Variants in FBXO47 observed in about 807,000 individuals in gnomAD.
FBXO47 encodes the protein F-box only protein 47.
FBXO47 carries 34 observed loss-of-function variants against 53.9 expected under a neutral mutation model. The observed-to-expected ratio is 0.63, with a 90% CI of 0.48 to 0.84. FBXO47 has a LOEUF of 0.84. Ranked by LOEUF, FBXO47 falls within the 40% of genes least tolerant of loss-of-function variation. FBXO47 has a pLI of 0.00. For missense variants in FBXO47, 485 were observed against 541.3 expected (o/e 0.90, Z 1.03); for synonymous variants, 165 against 181.6 (o/e 0.91, Z 0.73).
chr17:38,962,852 ATATTT>A lies in FBXO47; in HGVS notation c.169_173del (p.Lys57PhefsTer22), dbSNP rs1905878958. The A allele has an allele frequency of 3.7e-6, 6 of 1,609,532 alleles. No homozygotes were observed. The highest frequency in any genetic ancestry group is 3.4e-6 in the Non-Finnish European group (4 of 1,177,514). On this transcript the variant is annotated frameshift_variant, in exon 2 of 11. Transcript: ENST00000378079. LOFTEE classifies it high-confidence loss of function. ...TAAGTTCCCAAACCTCACCTGACAA[ATATTT>A]TAAAATTATCTGGAATATTTCCAAT... is the stretch of plus-strand genomic sequence containing the variant.
chr17:38,946,471 T>TATATAACTATATAAATATATATGA (rs1567716848), intron 6 of FBXO47, among the ~76,000 whole-genome samples: 1 of 89,934 alleles, frequency 1.1e-5, no homozygotes, highest in Non-Finnish European at 1.8e-5. Context: ...TATATGAATA[T>TATATAACTATATAAATATATATGA]ATATAACTAT....
In FBXO47 at chr17:38,944,181, C is replaced by CA. The variant is rs1280835348; in HGVS notation, c.794-446dup. Among the ~76,000 whole-genome samples, 319 of 138,324 alleles carry CA rather than the reference C, an allele frequency of 2.3e-3. 1 individual carries two copies. Among genetic ancestry groups the CA allele is most frequent in the African/African-American group, 8.3e-3 (306 of 36,998 alleles). The allele number at this position is 138,324 out of a possible 152,430, so 90.7% of individuals were successfully genotyped here. On this transcript the variant is annotated intron_variant, in intron 7 of 10. Coordinates refer to ENST00000378079, the MANE Select transcript of FBXO47 (RefSeq NM_001008777.3). ...TGGGCAACACAGCGAGACTCTGTCT[C>CA]AAAAAAAACATGTGTGTGTGTGTGT...
Position 38,945,023 on chromosome 17 carries a change from A to G in FBXO47, c.730T>C (p.Trp244Arg), listed in dbSNP as rs757871034. The change falls in exon 7 of 11, where the codon TGG becomes CGG. Residue 244 changes from tryptophan (W) to arginine (R), a missense_variant. Coordinates refer to ENST00000378079, the MANE Select transcript of FBXO47 (RefSeq NM_001008777.3). ...AFWLTRILKP[W>R]PMVNQARLLY... ...AATCTTGCCTGATTCACCATTGGCCATGGTTTTAATATTCGCGTCAACCAA... is the reference window on the plus strand; with the variant it reads ...AATCTTGCCTGATTCACCATTGGCCGTGGTTTTAATATTCGCGTCAACCAA... 1.9e-6 allele frequency: 3 copies of G among 1,614,034 alleles called. No homozygotes were observed. The highest frequency in any genetic ancestry group is 2.5e-6 in the Non-Finnish European group (3 of 1,180,016).
chr17:38,944,612 GA>G (rs1230958375), intron 7 of FBXO47, among the ~76,000 whole-genome samples: 1 of 149,952 alleles, frequency 6.7e-6, no homozygotes, highest in Admixed American at 6.7e-5. Context: ...TGAGGCAGGA[GA>G]ATGGTGTGAA....
intron 6 of FBXO47, among the ~76,000 whole-genome samples, chr17:38,945,944 A>AT (rs1325780000): frequency 7.0e-4 from 94 of 134,550 alleles, no homozygotes; most frequent in Non-Finnish European, 1.1e-3. Flanking sequence ...TCAAAAAAAA[A>AT]AAAAATATAT....
At chr17:38,947,107 C>CATAT (rs376417023) in intron 6 of FBXO47, among the ~76,000 whole-genome samples, 1,960 of 90,310 alleles carry the variant, frequency 0.022, 28 homozygotes, top group Non-Finnish European at 0.039. Context: ...TATATATAAA[C>CATAT]ATATATATAT....
In FBXO47 at chr17:38,961,867, C is replaced by CT; in HGVS notation, c.352+9_352+10insA. The CT allele has an allele frequency of 1.2e-6, 2 of 1,605,434 alleles. No individual in the cohort carries two copies. Among genetic ancestry groups the CT allele is most frequent in the African/African-American group, 2.7e-5 (2 of 74,468 alleles). On this transcript the variant is annotated intron_variant, in intron 3 of 10. Transcript: ENST00000378079. The stretch of plus-strand genomic sequence containing the variant: ...TCTTTACTTGTTGCAATTCTCATTA[C>CT]ATAAGTTACCTAGAGATCTGTAGTG...
intron 7 of FBXO47, 112 bp downstream of exon 7, chr17:38,944,848 A>ATGTGTGTGTGTGTGTGTGTGTGTG (rs71300085): frequency 0.02 from 12,384 of 612,958 alleles, 127 homozygotes; most frequent in Middle Eastern, 0.03. Context: ...GCGTGCATGC[A>ATGTGTGTGTGTGTGTGTGTGTGTG]TGTGTGTGTG....
rs1452664912 is a variant in FBXO47, at chr17:38,945,944, A to T, written c.617-808T>A. Among the ~76,000 whole-genome samples, 17 of 134,570 alleles carry T rather than the reference A, an allele frequency of 1.3e-4. 1 individual carries two copies. The highest frequency in any genetic ancestry group is 3.8e-4 in the African/African-American group (14 of 36,460). 88.3% of individuals were successfully genotyped at this position (134,570 alleles called of 152,430 possible). A position where few individuals can be genotyped will look rare whatever the true frequency, so the allele number is the denominator to read the frequency against. On this transcript the variant is annotated intron_variant, in intron 6 of 10. Transcript: ENST00000378079. Reference sequence around the variant, plus strand: ...GAGCGAGACTCTGGCTCAAAAAAAAAAAAAATATATATATATATATAAATA... The same window carrying T: ...GAGCGAGACTCTGGCTCAAAAAAAATAAAAATATATATATATATATAAATA...
intron 1 of FBXO47, among the ~76,000 whole-genome samples, chr17:38,966,897 T>G (rs1906158603): frequency 6.6e-6 from 1 of 152,126 alleles, no homozygotes; most frequent in South Asian, 2.1e-4. Flanking sequence ...AATAAAATGA[T>G]GTTTCATGCC....
intron 1 of FBXO47, among the ~76,000 whole-genome samples, chr17:38,963,670 G>A (rs1238730349): frequency 6.6e-6 from 1 of 152,070 alleles, no homozygotes; most frequent in Admixed American, 6.6e-5. Context: ...GCTCACGCCT[G>A]TAATCCCAAC....
rs112640612 is a variant in FBXO47, at chr17:38,949,418, T to TCAAAA, written c.616+2158_616+2162dup. Among the ~76,000 whole-genome samples the TCAAAA allele has an allele frequency of 4.4e-3, 669 of 151,434 alleles. 4 individuals are homozygous for TCAAAA. The highest frequency in any genetic ancestry group is 0.011 in the African/African-American group (445 of 41,018). On this transcript the variant is annotated intron_variant, in intron 6 of 10. Coordinates refer to ENST00000378079, the MANE Select transcript of FBXO47 (RefSeq NM_001008777.3). ...CTGGGTGATAGAGCCAGACCCTGTC[T>TCAAAA]CAAAACAAAACAAAACAAAACAAAA...
At chr17:38,950,182 C>A (rs11869405) in intron 6 of FBXO47, among the ~76,000 whole-genome samples, 3,939 of 152,032 alleles carry the variant, frequency 0.026, 172 homozygotes, top group African/African-American at 0.09. Context: ...CCCACTCCCC[C>A]CTCCCCTCAG....
At chr17:38,962,518 A>ATAG (rs972997793) in intron 2 of FBXO47, among the ~76,000 whole-genome samples, 2 of 151,838 alleles carry the variant, frequency 1.3e-5, no homozygotes, top group Non-Finnish European at 2.9e-5. Flanking sequence ...AGGCAGGAGA[A>ATAG]TAGCTTGAAC....
rs779533632 is a variant in FBXO47 at position 38,961,893 on chromosome 17, C to T, written c.336G>A (p.Glu112=). Residue 112 remains glutamate, a synonymous_variant, in exon 3 of 11, where the codon GAG becomes GAA. Transcript: ENST00000378079. ...PDRRQDSAIL[E]HYRSLGLLFK... is the part of the protein sequence containing the mutation. ...ATAAGTTACCTAGAGATCTGTAGTGCTCCAGTATAGCAGAGTCTTGTCTCC... is the reference window on the plus strand; with the variant it reads ...ATAAGTTACCTAGAGATCTGTAGTGTTCCAGTATAGCAGAGTCTTGTCTCC... 1 of 1,613,656 alleles carries T rather than the reference C, an allele frequency of 6.2e-7. No individual in the cohort carries two copies. The highest frequency in any genetic ancestry group is 8.5e-7 in the Non-Finnish European group (1 of 1,179,876).
rs373809223 is a variant in FBXO47 at position 38,939,397 on chromosome 17, A to C, written c.1084-665T>G. Among the ~76,000 whole-genome samples, 27 of 143,028 alleles carry C rather than the reference A, an allele frequency of 1.9e-4. No homozygotes were observed. The East Asian group carries it at 3.0e-3, about 16-fold the overall frequency. The allele number at this position is 143,028 out of a possible 152,430, so 93.8% of individuals were successfully genotyped here. A position where few individuals can be genotyped will look rare whatever the true frequency, so the allele number is the denominator to read the frequency against. ...AAAAAAAATTTCTGCTCATTTACTC[A>C]TTCAATAAACATTTATTGAGCACCT... is the stretch of plus-strand genomic sequence containing the variant. On this transcript the variant is annotated intron_variant, in intron 9 of 10. Coordinates refer to ENST00000378079, the MANE Select transcript of FBXO47 (RefSeq NM_001008777.3).
intron 6 of FBXO47, among the ~76,000 whole-genome samples, chr17:38,946,404 ATATAGATATATATATAAC>A (rs1339869394): frequency 1.7e-4 from 16 of 96,000 alleles, no homozygotes; most frequent in African/African-American, 7.0e-4. Flanking sequence ...ATATATAAAT[ATATAGATATATATATAAC>A]TATATAAATA....
intron 6 of FBXO47, among the ~76,000 whole-genome samples, chr17:38,946,405 TATAG>T (rs1904845624): frequency 1.0e-5 from 1 of 95,750 alleles, no homozygotes; most frequent in Non-Finnish European, 1.7e-5. Context: ...TATATAAATA[TATAG>T]ATATATATAT....
At chr17:38,953,314 G>A (rs967532418) in intron 5 of FBXO47, among the ~76,000 whole-genome samples, 6 of 150,990 alleles carry the variant, frequency 4.0e-5, no homozygotes, top group East Asian at 3.9e-4. Context: ...GCAAGACTCC[G>A]TCTCAAAAAA....
Sources: gnomAD v4.1 joint callset for allele counts (sites outside exome capture counted in the v4.1 genomes callset) on GRCh38, gnomAD v4.1.1 for gene constraint, MANE v1.5 for transcripts, NCBI Gene and HGNC (gene_info 2026-07-23, HGNC 2026-07-21) for gene names.